Variants in FN1 observed in about 807,000 individuals in gnomAD.
FN1 encodes the protein fibronectin.
Under a neutral mutation model 297.3 loss-of-function variants are expected in FN1, and 106 were observed. The observed-to-expected ratio is 0.36, with a 90% confidence interval of 0.30 to 0.42. The LOEUF is 0.42. Ranked by LOEUF, FN1 falls within the 10% of genes least tolerant of loss-of-function variation. FN1 has a pLI of 1.00. For synonymous variants in FN1, 1,149 were observed against 1,152.6 expected (o/e 1.00, Z 0.06); for missense variants, 2,690 against 3,124.9 (o/e 0.86, Z 3.32).
rs1459662938 is a variant in FN1 at position 215,367,973 on chromosome 2, A to G, written c.6908T>C (p.Val2303Ala). The G allele has an allele frequency of 3.7e-6, 6 of 1,614,192 alleles. No individual in the cohort carries two copies. The South Asian group carries it at 5.5e-5, about 15-fold the overall frequency. Residue 2303 changes from valine to alanine, a missense_variant, in exon 42 of 46, where the codon GTT (valine) becomes GCT (alanine). Coordinates refer to ENST00000354785, the MANE Select transcript of FN1 (RefSeq NM_212482.4). ...CTCATCTCCAACGGCATAATGGGAA[A>G]CTGTGTAGGGGTCAAAGCACGAGTC... ...TDDSCFDPYTVSHYAVGDEWE... is the reference protein window; with the variant it reads ...TDDSCFDPYTASHYAVGDEWE...
chr2:215,361,641 G>T lies in FN1; in HGVS notation c.7363-15C>A, dbSNP rs773073457. The T allele has an allele frequency of 1.9e-6, 3 of 1,596,332 alleles. No individual in the cohort carries two copies. Among genetic ancestry groups the T allele is most frequent in the Non-Finnish European group, 2.6e-6 (3 of 1,165,392 alleles). On this transcript the variant is annotated splice_polypyrimidine_tract_variant and intron_variant, in intron 45 of 45. Coordinates refer to ENST00000354785, the MANE Select transcript of FN1 (RefSeq NM_212482.4). ...CAATTAACATTCTGTTAAAAAGGAAGAAGGAAAAAAAAATTAGTGGCAAAT... is the reference window on the plus strand; with the variant it reads ...CAATTAACATTCTGTTAAAAAGGAATAAGGAAAAAAAAATTAGTGGCAAAT...
chr2:215,379,080 G>A, intron 34 of FN1, 50 bp downstream of exon 34: 1 of 1,467,116 alleles, frequency 6.8e-7, no homozygotes, highest in South Asian at 1.1e-5. Flanking sequence ...TAGAAACTGT[G>A]TTAGAGATGA....
chr2:215,390,283 C>T (rs887162993), intron 26 of FN1, among the ~76,000 whole-genome samples: 3 of 152,146 alleles, frequency 2.0e-5, no homozygotes, highest in South Asian at 2.1e-4. Context: ...TCCCCAGGCT[C>T]AGGTGATCCT....
chr2:215,420,156 A>G (rs1290777432), intron 11 of FN1, among the ~76,000 whole-genome samples: 4 of 152,148 alleles, frequency 2.6e-5, no homozygotes, highest in Admixed American at 6.5e-5. Flanking sequence ...CCTGACCCAC[A>G]TGGAGAAACC....
At position 215,407,319 on chromosome 2, in the gene FN1, A is replaced by G; in HGVS notation, c.2521T>C (p.Tyr841His). Residue 841 changes from tyrosine (Y) to histidine (H), a missense_variant and splice_region_variant, in exon 18 of 46, where the codon TAC becomes CAC. This residue lies in a region of FN1 where 71 missense variants were observed against 121.7 expected (regional missense o/e 0.58). Coordinates refer to ENST00000354785, the MANE Select transcript of FN1 (RefSeq NM_212482.4). ...ACTGATGGCGAATAGACTATTCTGT[A>G]CCCTGCAGATTCATGAGCAAAAGTA... ...WSRPQAPITG[Y>H]RIVYSPSVEG... 1 of 1,613,928 alleles carries G rather than the reference A, an allele frequency of 6.2e-7. No homozygotes were observed. The highest frequency in any genetic ancestry group is 8.5e-7 in the Non-Finnish European group (1 of 1,179,806).
At chr2:215,414,512 T>C (rs2063151250) in intron 13 of FN1, 1 of 245,636 alleles carries the variant, frequency 4.1e-6, no homozygotes, top group Non-Finnish European at 7.3e-6. Flanking sequence ...CCTTAGATTC[T>C]CTTCCCACAT....
At chr2:215,431,659 C>G (rs1053386145) in intron 4 of FN1, among the ~76,000 whole-genome samples, 174 bp downstream of exon 4, 1 of 152,196 alleles carries the variant, frequency 6.6e-6, no homozygotes, top group Admixed American at 6.5e-5. Context: ...TTTGATCTAA[C>G]TCCTGTAAGA....
chr2:215,397,041 T>C, intron 23 of FN1, 96 bp downstream of exon 23: 3 of 851,694 alleles, frequency 3.5e-6, no homozygotes, highest in Admixed American at 3.4e-5. Context: ...ATTTGTAATT[T>C]GAATCCCTTC....
rs757430142 is a variant in FN1, at chr2:215,397,750, G to A, written c.3447C>T (p.Tyr1149=). 23 of 1,613,360 alleles carry A rather than the reference G, an allele frequency of 1.4e-5. No homozygotes were observed. The highest frequency in any genetic ancestry group is 7.7e-5 in the South Asian group (7 of 91,078). Residue 1149 remains tyrosine (Y), a synonymous_variant, in exon 22 of 46, where the codon TAC becomes TAT. Coordinates refer to ENST00000354785, the MANE Select transcript of FN1 (RefSeq NM_212482.4). ...CTCTCAGGACTTGGATGGTGTAGAC[G>A]TATTCTACTCCTGGAGTCAAGCCGG... The part of the protein sequence containing the change: ...VVSGLTPGVE[Y]VYTIQVLRDG...
chr2:215,361,847 G>C, intron 45 of FN1, 122 bp downstream of exon 45: 2 of 1,363,586 alleles, frequency 1.5e-6, no homozygotes, highest in African/African-American at 2.9e-5. Flanking sequence ...TTTCACTTAA[G>C]TCATTTATGA....
chr2:215,364,834 TTTATC>T (rs748964285), intron 44 of FN1, 40 bp downstream of exon 44: 176 of 1,344,376 alleles, frequency 1.3e-4, no homozygotes, highest in Non-Finnish European at 1.7e-4. Flanking sequence ...GAGCCCACCC[TTTATC>T]TTATCTAACT....
At chr2:215,363,877 G>C (rs2054009798) in intron 44 of FN1, among the ~76,000 whole-genome samples, 1 of 152,172 alleles carries the variant, frequency 6.6e-6, no homozygotes, top group Non-Finnish European at 1.5e-5. Flanking sequence ...CTTAAATAAT[G>C]GGTTGCCAAG....
intron 20 of FN1, among the ~76,000 whole-genome samples, chr2:215,402,296 TCAAA>T (rs935736962): frequency 6.6e-6 from 1 of 152,142 alleles, no homozygotes; most frequent in African/African-American, 2.4e-5. Flanking sequence ...ACAAACGATG[TCAAA>T]CAAAGGATGT....
intron 2 of FN1, among the ~76,000 whole-genome samples, chr2:215,434,210 T>G (rs1025812299): frequency 2.6e-5 from 4 of 152,218 alleles, no homozygotes; most frequent in African/African-American, 9.6e-5. Context: ...TCAGTGCTTC[T>G]CTGACAGAGT....
At chr2:215,398,045 A>T (rs1442418591) in intron 21 of FN1, among the ~76,000 whole-genome samples, 197 bp from the exon 22 acceptor site, 4 of 152,230 alleles carry the variant, frequency 2.6e-5, no homozygotes, top group Non-Finnish European at 4.4e-5. Flanking sequence ...TATCTTCCAA[A>T]CTGCATTAAG....
intron 27 of FN1, among the ~76,000 whole-genome samples, chr2:215,387,858 C>T (rs1196080317): frequency 6.6e-6 from 1 of 152,120 alleles, no homozygotes; most frequent in Non-Finnish European, 1.5e-5. Context: ...AACTTGCTGG[C>T]TTAGTAAAGG....
rs200485690 is a variant in FN1, at chr2:215,375,663, A to G, written c.5943T>C (p.Ala1981=). The change falls in exon 37 of 46, where the codon GCT becomes GCC. Residue 1981 remains alanine, a synonymous_variant. Coordinates refer to ENST00000354785, the MANE Select transcript of FN1 (RefSeq NM_212482.4). ...KIYLYTLNDN[A]RSSPVVIDAS... is the part of the protein sequence containing the mutation. ...CGTCGATGACCACAGGGGAGCTCCG[A>G]GCATTGTCATTCAAGGTGTACAGGT... is the stretch of plus-strand genomic sequence containing the variant. 285 of 1,613,474 alleles carry G rather than the reference A, an allele frequency of 1.8e-4. 1 individual carries two copies. The highest frequency in any genetic ancestry group is 2.4e-4 in the Non-Finnish European group (279 of 1,179,518).
rs1157885400 is a variant in FN1 at position 215,394,616 on chromosome 2, G to T, written c.3708C>A (p.Asn1236Lys). Residue 1236 changes from asparagine (N) to lysine (K), a missense_variant, in exon 24 of 46, where the codon AAC becomes AAA. Asn to Lys is a moderately conservative substitution (Grantham distance 94, BLOSUM62 0). Around this residue, in one of 3 missense-constraint regions of FN1, gnomAD observed 1,743 missense variants for 1,945.2 expected, o/e 0.90. Transcript: ENST00000354785. ...CATTGTACTCCAGGCCGGGACTCAG[G>T]TTATCAAAAGTGCAGGAGCTCTGAT... is the stretch of plus-strand genomic sequence containing the variant. ...HADQSSCTFD[N>K]LSPGLEYNVS... The T allele has an allele frequency of 2.5e-6, 4 of 1,613,978 alleles. No homozygotes were observed. Among genetic ancestry groups the T allele is most frequent in the Non-Finnish European group, 3.4e-6 (4 of 1,179,998 alleles).
intron 31 of FN1, among the ~76,000 whole-genome samples, 177 bp downstream of exon 31, chr2:215,383,151 C>T (rs2058439169): frequency 6.6e-6 from 1 of 152,064 alleles, no homozygotes; most frequent in Non-Finnish European, 1.5e-5. Context: ...ATTACAGGCA[C>T]AAGCCACCAT....
Sources: allele counts gnomAD v4.1 joint callset (sites outside exome capture counted in the v4.1 genomes callset), GRCh38; gene constraint gnomAD v4.1.1; regional missense constraint gnomAD v4.1.1; transcripts MANE v1.5; gene names NCBI Gene and HGNC (gene_info 2026-07-23, HGNC 2026-07-21).